Variants in TENT4A observed in about 807,000 individuals in gnomAD.
TENT4A encodes the protein DNA polymerase kappa.
A neutral mutation model predicts 72.8 loss-of-function variants in TENT4A; 7 were observed. The observed-to-expected ratio is 0.10, with a 90% confidence interval of 0.05 to 0.18. The LOEUF is 0.18. TENT4A is among the 10% of genes least tolerant of loss of function. TENT4A has a pLI of 1.00. For synonymous variants in TENT4A, 456 were observed against 434.3 expected, an observed-to-expected ratio of 1.05 and a Z score of -0.62; for missense variants, 831 against 1,017.7, an observed-to-expected ratio of 0.82 and a Z score of 2.50.
chr5:6,731,153 C>A (rs1263334811), intron 1 of TENT4A, among the ~76,000 whole-genome samples: 1 of 152,180 alleles, frequency 6.6e-6, no homozygotes, highest in Non-Finnish European at 1.5e-5. Flanking sequence ...GGCAAAAATG[C>A]ATAGTGAACA....
intron 1 of TENT4A, among the ~76,000 whole-genome samples, chr5:6,730,034 G>A (rs1400015272): frequency 6.6e-6 from 1 of 152,112 alleles, no homozygotes; most frequent in East Asian, 1.9e-4. Context: ...ACAGGCTTCT[G>A]GTACCTAAGC....
In TENT4A at chr5:6,742,594, G is replaced by A. The variant is rs747372879; in HGVS notation, c.1113G>A (p.Met371Ile). 3.1e-6 allele frequency: 5 copies of A among 1,595,030 alleles called. No homozygotes were observed. The highest frequency in any genetic ancestry group is 4.3e-6 in the Non-Finnish European group (5 of 1,162,610). Residue 371 changes from methionine to isoleucine, a missense_variant, in exon 5 of 13, where the codon ATG (methionine) becomes ATA (isoleucine). By Grantham distance (10) the Met-to-Ile change is conservative (BLOSUM62 1). Around this residue, in one of 3 missense-constraint regions of TENT4A, gnomAD observed 197 missense variants for 399.6 expected, o/e 0.49. Coordinates refer to ENST00000230859, the MANE Select transcript of TENT4A (RefSeq NM_006999.6). The stretch of plus-strand genomic sequence containing the variant: ...CAGCGGAGTTCATCAAGAATTACAT[G>A]AAGGTACTGTGCTTGGTGACCCAGC... ...VRAAEFIKNY[M>I]KKYSLLPYLI...
chr5:6,716,270 G>A (rs1050057343), intron 1 of TENT4A, among the ~76,000 whole-genome samples: 2 of 152,062 alleles, frequency 1.3e-5, no homozygotes, highest in Admixed American at 1.3e-4. Context: ...TCTGGGGCAG[G>A]GACGGCATGG....
Position 6,748,607 on chromosome 5 carries a change from C to G in TENT4A, c.1586+17C>G, listed in dbSNP as rs200948251. On this transcript the variant is annotated intron_variant, in intron 8 of 12. Transcript: ENST00000230859. Reference sequence around the variant, plus strand: ...CGCCGAAAGGTAATGGGTTGTGTGTCTGCGTCTGGGCTCAGCGTGCCTGTG... The same window carrying G: ...CGCCGAAAGGTAATGGGTTGTGTGTGTGCGTCTGGGCTCAGCGTGCCTGTG... 1.1e-4 allele frequency: 169 copies of G among 1,604,396 alleles called. No homozygotes were observed. The highest frequency in any genetic ancestry group is 1.3e-4 in the Non-Finnish European group (155 of 1,171,890).
intron 9 of TENT4A, 75 bp from the exon 10 acceptor site, chr5:6,750,256 C>G: frequency 7.6e-7 from 1 of 1,312,430 alleles, no homozygotes; most frequent in East Asian, 2.6e-5. Flanking sequence ...CAGCAGAGCC[C>G]GTGACTGATG....
At chr5:6,753,708 C>A (rs898222014) in intron 12 of TENT4A, among the ~76,000 whole-genome samples, 1 of 152,258 alleles carries the variant, frequency 6.6e-6, no homozygotes, top group African/African-American at 2.4e-5. Flanking sequence ...GGTGTCCACA[C>A]CTCTTTATTC....
chr5:6,734,979 G>T (rs1390689313), intron 1 of TENT4A, among the ~76,000 whole-genome samples: 1 of 152,192 alleles, frequency 6.6e-6, no homozygotes, highest in Non-Finnish European at 1.5e-5. Flanking sequence ...TGATAGTAGG[G>T]GATGCCCCTG....
intron 7 of TENT4A, among the ~76,000 whole-genome samples, chr5:6,747,949 A>G (rs1742195212): frequency 6.6e-6 from 1 of 152,190 alleles, no homozygotes; most frequent in African/African-American, 2.4e-5. Flanking sequence ...ATTCCATTCT[A>G]AAGGATTTAC....
At chr5:6,721,471 C>T (rs1740647879) in intron 1 of TENT4A, among the ~76,000 whole-genome samples, 1 of 151,982 alleles carries the variant, frequency 6.6e-6, no homozygotes, top group Non-Finnish European at 1.5e-5. Flanking sequence ...TTTAACTGCT[C>T]TTTGTTTCTT....
At chr5:6,754,716 C>CT in intron 12 of TENT4A, 35 bp from the exon 13 acceptor site, 1 of 1,519,770 alleles carries the variant, frequency 6.6e-7, no homozygotes, top group Non-Finnish European at 8.9e-7. Context: ...TGCCTGCTGT[C>CT]TGGCTCCAAC....
At chr5:6,731,487 G>T (rs532948321) in intron 1 of TENT4A, among the ~76,000 whole-genome samples, 1 of 152,218 alleles carries the variant, frequency 6.6e-6, no homozygotes, top group Admixed American at 6.5e-5. Context: ...AAGACTGGAA[G>T]CACCTGTTCT....
At position 6,754,886 on chromosome 5, in the gene TENT4A, T is replaced by C. The variant is rs1742607576; in HGVS notation, c.2320T>C (p.Trp774Arg). 6.2e-7 allele frequency: 1 copy of C among 1,606,340 alleles called. No individual in the cohort carries two copies. Residue 774 changes from tryptophan (W) to arginine (R), a missense_variant, in exon 13 of 13, where the codon TGG becomes CGG. Physicochemically the swap from Trp to Arg is moderately radical, Grantham distance 101. This residue lies in a region of TENT4A where 332 missense variants were observed against 324.3 expected (regional missense o/e 1.02). Coordinates refer to ENST00000230859, the MANE Select transcript of TENT4A (RefSeq NM_006999.6). ...RGHHQYNRTG[W>R]RRKKHTHTRD... Reference sequence around the variant, plus strand: ...ACACCACCAGTATAACCGCACCGGCTGGAGGAGGAAAAAACACACACACAC... The same window carrying C: ...ACACCACCAGTATAACCGCACCGGCCGGAGGAGGAAAAAACACACACACAC...
At position 6,755,074 on chromosome 5, in the gene TENT4A, T is replaced by A; in HGVS notation, c.*129T>A. 1.5e-6 allele frequency: 1 copy of A among 682,136 alleles called. No homozygotes were observed. The highest frequency in any genetic ancestry group is 2.3e-6 in the Non-Finnish European group (1 of 433,908). The allele number at this position is 682,136 out of a possible 1,614,324, so 42.3% of individuals were successfully genotyped here. A position where few individuals can be genotyped will look rare whatever the true frequency, so the allele number is the denominator to read the frequency against. ...TCGCGGCACGCCCGCCGCTGATCAC[T>A]CTGCATGTTTCTTCGTGTGGTGGTC... On this transcript the variant is annotated 3_prime_UTR_variant, in exon 13 of 13. Coordinates refer to ENST00000230859, the MANE Select transcript of TENT4A (RefSeq NM_006999.6).
In TENT4A at chr5:6,739,799, C is replaced by T. The variant is rs1380626286; in HGVS notation, c.955C>T (p.Arg319Trp). The T allele has an allele frequency of 2.5e-6, 4 of 1,614,116 alleles. No individual in the cohort carries two copies. The highest frequency in any genetic ancestry group is 3.4e-6 in the Non-Finnish European group (4 of 1,179,960). Residue 319 changes from arginine to tryptophan, a missense_variant, in exon 4 of 13, where the codon CGG (arginine) becomes TGG (tryptophan). Coordinates refer to ENST00000230859, the MANE Select transcript of TENT4A (RefSeq NM_006999.6). ...PPLQLLEQALRKHNVAEPCSI... is the reference protein window; with the variant it reads ...PPLQLLEQALWKHNVAEPCSI... Reference sequence around the variant, plus strand: ...TTTACAGCTGCTGGAGCAAGCCCTGCGGAAGCACAACGTGGCTGAGCCGTG... The same window carrying T: ...TTTACAGCTGCTGGAGCAAGCCCTGTGGAAGCACAACGTGGCTGAGCCGTG...
At chr5:6,720,714 AT>A (rs1740606308) in intron 1 of TENT4A, among the ~76,000 whole-genome samples, 1 of 150,202 alleles carries the variant, frequency 6.7e-6, no homozygotes, top group East Asian at 1.9e-4. Context: ...AAATAAATAA[AT>A]AAATAAAAGT....
intron 1 of TENT4A, among the ~76,000 whole-genome samples, chr5:6,724,217 CAG>C (rs1395760860): frequency 6.6e-6 from 1 of 152,222 alleles, no homozygotes; most frequent in Admixed American, 6.5e-5. Flanking sequence ...ACCTCCCCCA[CAG>C]AGAGGGCACT....
chr5:6,714,634 C>T lies in TENT4A; in HGVS notation c.651C>T (p.Pro217=). ...CCGCTCTCAGCGGAGGGGGCGGCCC[C>T]GGGGCCCAGGCGCCGCGGCCCGGCA... ...RAAALSGGGG[P]GAQAPRPGTP... Residue 217 remains proline, a synonymous_variant, in exon 1 of 13, where the codon CCC becomes CCT. Transcript: ENST00000230859. The T allele has an allele frequency of 1.7e-6, 2 of 1,198,702 alleles. No homozygotes were observed. The highest frequency in any genetic ancestry group is 2.1e-6 in the Non-Finnish European group (2 of 966,576). The allele number at this position is 1,198,702 out of a possible 1,614,324, so 74.3% of individuals were successfully genotyped here. A position where few individuals can be genotyped will look rare whatever the true frequency, so the allele number is the denominator to read the frequency against.
chr5:6,754,420 C>T (rs539756036), intron 12 of TENT4A, among the ~76,000 whole-genome samples: 5 of 152,270 alleles, frequency 3.3e-5, no homozygotes, highest in Admixed American at 6.5e-5. Flanking sequence ...ATGCCTGCCT[C>T]GGCCTCCCAA....
Position 6,755,102 on chromosome 5 carries a change from G to T in TENT4A, c.*157G>T, listed in dbSNP as rs768809578. ...GCATGTTTCTTCGTGTGGTGGTCGC[G>T]TCCATCTTCAAGAACAGCTCGTTGT... On this transcript the variant is annotated 3_prime_UTR_variant, in exon 13 of 13. Transcript: ENST00000230859. The T allele has an allele frequency of 1.1e-5, 6 of 561,924 alleles. No individual in the cohort carries two copies. The highest frequency in any genetic ancestry group is 1.8e-5 in the Non-Finnish European group (6 of 332,642). 34.8% of individuals were successfully genotyped at this position (561,924 alleles called of 1,614,324 possible). A position where few individuals can be genotyped will look rare whatever the true frequency, so the allele number is the denominator to read the frequency against.
Sources: allele counts gnomAD v4.1 joint callset (sites outside exome capture counted in the v4.1 genomes callset), GRCh38; gene constraint gnomAD v4.1.1; regional missense constraint gnomAD v4.1.1; transcripts MANE v1.5; gene names NCBI Gene and HGNC (gene_info 2026-07-23, HGNC 2026-07-21).